Variants in KDM4B observed in about 807,000 individuals in gnomAD.
The protein encoded by KDM4B is lysine-specific demethylase 4B.
In KDM4B, 32 loss-of-function variants were observed where a neutral mutation model predicts 125.2. The observed-to-expected ratio is 0.26, with a 90% CI of 0.19 to 0.34. The LOEUF (loss-of-function observed/expected upper bound fraction) is 0.34. KDM4B is among the 10% of genes least tolerant of loss of function. KDM4B has a pLI of 1.00. For synonymous variants in KDM4B, 721 were observed against 677.9 expected (o/e 1.06, Z -0.99); for missense variants, 1,190 against 1,577.7 (o/e 0.75, Z 4.16).
At position 5,012,896 on chromosome 19, in the gene KDM4B, G is replaced by A. The variant is rs965422183; in HGVS notation, c.-108-3361G>A. On this transcript the variant is annotated intron_variant, in intron 1 of 22. Coordinates refer to ENST00000159111, the MANE Select transcript of KDM4B (RefSeq NM_015015.3). Reference sequence around the variant, plus strand: ...AAGGAAGTCACCGCATAGCCCATGCGTAAGGAATAGGGAGCTGCCTGGGCC... The same window carrying A: ...AAGGAAGTCACCGCATAGCCCATGCATAAGGAATAGGGAGCTGCCTGGGCC... 3.3e-5 allele frequency among the ~76,000 whole-genome samples: 5 copies of A among 152,226 alleles called. 1 individual carries two copies. The highest frequency in any genetic ancestry group is 7.3e-5 in the Non-Finnish European group (5 of 68,040).
At chr19:5,065,294 G>A (rs575397012) in intron 6 of KDM4B, among the ~76,000 whole-genome samples, 57 of 152,352 alleles carry the variant, frequency 3.7e-4, no homozygotes, top group African/African-American at 1.3e-3. Flanking sequence ...CACCGTCATC[G>A]TAGCTAAGGG....
intron 9 of KDM4B, among the ~76,000 whole-genome samples, chr19:5,088,236 G>A (rs1453688819): frequency 1.3e-5 from 2 of 152,180 alleles, no homozygotes; most frequent in African/African-American, 4.8e-5. Context: ...GCAGGGAGTC[G>A]GCGGCTTAGC....
At chr19:4,985,056 C>G (rs539673208) in intron 1 of KDM4B, among the ~76,000 whole-genome samples, 237 of 152,274 alleles carry the variant, frequency 1.6e-3, no homozygotes, top group African/African-American at 5.3e-3. Flanking sequence ...GGCACGGTGG[C>G]TCCCGCCTGT....
intron 6 of KDM4B, among the ~76,000 whole-genome samples, chr19:5,051,964 G>A (rs1451885829): frequency 6.6e-6 from 1 of 152,114 alleles, no homozygotes; most frequent in East Asian, 1.9e-4. Flanking sequence ...TGGGGGTCTC[G>A]GAGCTTGTGC....
At chr19:5,144,709 G>T in intron 20 of KDM4B, 74 bp from the exon 21 acceptor site, 1 of 1,581,646 alleles carries the variant, frequency 6.3e-7, no homozygotes, top group Non-Finnish European at 8.6e-7. Context: ...CCAGCGCGGA[G>T]AGGGTCTAAA....
intron 2 of KDM4B, among the ~76,000 whole-genome samples, chr19:5,022,759 G>C (rs991027594): frequency 4.6e-5 from 7 of 152,118 alleles, no homozygotes; most frequent in Admixed American, 1.3e-4. Context: ...CTGTGCTCCT[G>C]TCTGAGTGAG....
chr19:5,108,116 C>T (rs2039070860), intron 9 of KDM4B, among the ~76,000 whole-genome samples: 1 of 152,244 alleles, frequency 6.6e-6, no homozygotes. Flanking sequence ...TGGCAGTGCA[C>T]TCCGTGGAGC....
intron 9 of KDM4B, among the ~76,000 whole-genome samples, chr19:5,107,192 A>G (rs1374866691): frequency 6.6e-6 from 1 of 152,212 alleles, no homozygotes; most frequent in African/African-American, 2.4e-5. Context: ...ACACGGTTCT[A>G]GCGGCCATGT....
At chr19:5,053,601 A>G (rs1444198558) in intron 6 of KDM4B, among the ~76,000 whole-genome samples, 1 of 152,224 alleles carries the variant, frequency 6.6e-6, no homozygotes, top group Non-Finnish European at 1.5e-5. Context: ...CAGTGGCCCC[A>G]GCCCATGGTC....
At position 5,115,519 on chromosome 19, in the gene KDM4B, C is replaced by T. The variant is rs996361432; in HGVS notation, c.1116-4134C>T. 9.9e-5 allele frequency among the ~76,000 whole-genome samples: 15 copies of T among 152,224 alleles called. No homozygotes were observed. The highest frequency in any genetic ancestry group is 3.6e-4 in the African/African-American group (15 of 41,466). ...GTCACAGGCTCCTGCCCTCAGCAGC[C>T]CCTGCCACTGCCTTCACCAGGCCCA... On this transcript the variant is annotated intron_variant, in intron 10 of 22. Transcript: ENST00000159111. The surrounding 1 kb of genome is among the most constrained non-coding windows in gnomAD (Gnocchi z 4.2).
intron 10 of KDM4B, chr19:5,113,025 C>A (rs1214250050): frequency 1.3e-5 from 2 of 152,338 alleles, no homozygotes; most frequent in African/African-American, 4.8e-5. Flanking sequence ...GGACTAGAGG[C>A]CGTCTAAATT....
At chr19:5,143,516 G>T (rs2039782113) in intron 18 of KDM4B, among the ~76,000 whole-genome samples, 1 of 152,066 alleles carries the variant, frequency 6.6e-6, no homozygotes, top group Non-Finnish European at 1.5e-5. Context: ...GTGTCTGGGG[G>T]TGGCCTGCCC....
At chr19:4,986,964 T>A (rs1355183413) in intron 1 of KDM4B, among the ~76,000 whole-genome samples, 3 of 151,870 alleles carry the variant, frequency 2.0e-5, no homozygotes, top group African/African-American at 2.4e-5. Flanking sequence ...TTATTTTATT[T>A]TTTTTTTTGT....
chr19:5,006,912 G>A (rs893960560), intron 1 of KDM4B, among the ~76,000 whole-genome samples: 3 of 152,178 alleles, frequency 2.0e-5, no homozygotes, highest in African/African-American at 7.2e-5. Flanking sequence ...CTTTCCCATG[G>A]GGCTGCTGGG....
chr19:5,113,326 G>A (rs988994437), intron 10 of KDM4B: 3 of 148,374 alleles, frequency 2.0e-5, no homozygotes, highest in Non-Finnish European at 4.4e-5. Context: ...TGTAAAACAA[G>A]GCTGATTCAC....
intron 3 of KDM4B, among the ~76,000 whole-genome samples, chr19:5,039,523 C>T (rs1038691486): frequency 6.6e-6 from 1 of 152,302 alleles, no homozygotes; most frequent in East Asian, 1.9e-4. Context: ...CACACACGCC[C>T]AGTGCCACCT....
In KDM4B at chr19:5,110,758, G is replaced by C; in HGVS notation, c.1055G>C (p.Ser352Thr). 1 of 1,609,898 alleles carries C rather than the reference G, an allele frequency of 6.2e-7. No homozygotes were observed. Among genetic ancestry groups the C allele is most frequent in the South Asian group, 1.1e-5 (1 of 90,632 alleles). Residue 352 changes from serine (S) to threonine (T), a missense_variant, in exon 10 of 23, where the codon AGC (serine) becomes ACC (threonine). Physicochemically the swap from Ser to Thr is moderately conservative, Grantham distance 58 (BLOSUM62 1). This residue lies in a region of KDM4B where 428 missense variants were observed against 405.1 expected (regional missense o/e 1.06). Transcript: ENST00000159111. ...LDHTRPTALT[S>T]PELSSWSASR... ...CACACGCGGCCCACGGCGCTCACCA[G>C]CCCCGAGCTGAGCTCCTGGAGTGCA...
rs1247675246 is a variant in KDM4B at position 5,081,967 on chromosome 19, C to T, written c.781-400C>T. On this transcript the variant is annotated intron_variant, in intron 8 of 22. Transcript: ENST00000159111. This position sits in a 1 kb window ranked among gnomAD's most constrained non-coding sequence, Gnocchi z 4.2. Reference sequence around the variant, plus strand: ...GTGACTGTGAGTGTGACTCAGCCACCTCCAAAGCAGGAGGCCCCCATCGCT... The same window carrying T: ...GTGACTGTGAGTGTGACTCAGCCACTTCCAAAGCAGGAGGCCCCCATCGCT... Among the ~76,000 whole-genome samples, 1 of 152,228 alleles carries T rather than the reference C, an allele frequency of 6.6e-6. No individual in the cohort carries two copies. Among genetic ancestry groups the T allele is most frequent in the African/African-American group, 2.4e-5 (1 of 41,472 alleles).
At chr19:5,018,196 C>T (rs1230059744) in intron 2 of KDM4B, among the ~76,000 whole-genome samples, 1 of 152,140 alleles carries the variant, frequency 6.6e-6, no homozygotes, top group African/African-American at 2.4e-5. Context: ...GCACACCACA[C>T]CTGGCTAATT....
Sources: allele counts gnomAD v4.1 joint callset (sites outside exome capture counted in the v4.1 genomes callset), GRCh38; gene constraint gnomAD v4.1.1; regional missense constraint gnomAD v4.1.1; non-coding constraint Gnocchi (gnomAD v3.1); transcripts MANE v1.5; gene names NCBI Gene and HGNC (gene_info 2026-07-23, HGNC 2026-07-21).